Variants in FAT3 observed in about 807,000 individuals in gnomAD.
FAT3 encodes protocadherin Fat 3.
FAT3 carries 95 observed loss-of-function variants against 310.2 expected under a neutral mutation model. The observed-to-expected ratio is 0.31, with a 90% CI of 0.26 to 0.36. The LOEUF (loss-of-function observed/expected upper bound fraction) is 0.36. Among genes scored for constraint, FAT3 ranks in the 10% least tolerant of loss-of-function variants. The pLI is 1.00. For synonymous variants in FAT3, 2,314 were observed against 2,192.9 expected, an observed-to-expected ratio of 1.06 and a Z score of -1.54; for missense variants, 5,408 against 5,715.6, an observed-to-expected ratio of 0.95 and a Z score of 1.74.
chr11:92,330,995 TGTGTGTGTGAGAGAGAGAGAGA>T (rs1169005323), intron 1 of FAT3, among the ~76,000 whole-genome samples: 1 of 122,704 alleles, frequency 8.1e-6, no homozygotes, highest in Non-Finnish European at 1.6e-5. Context: ...TGTGTGTGTG[TGTGTGTGTGAGAGAGAGAGAGA>T]GAGAAACATT....
At chr11:92,685,198 G>A (rs1198481303) in intron 3 of FAT3, among the ~76,000 whole-genome samples, 1 of 152,068 alleles carries the variant, frequency 6.6e-6, no homozygotes, top group African/African-American at 2.4e-5. Flanking sequence ...ACATAATTTA[G>A]TTAAACAAAA....
chr11:92,342,216 C>G (rs542079785), intron 1 of FAT3, among the ~76,000 whole-genome samples: 1 of 152,104 alleles, frequency 6.6e-6, no homozygotes, highest in Non-Finnish European at 1.5e-5. Context: ...CTTTTCTTGG[C>G]GTTTCCATTC....
chr11:92,753,798 G>GTGTGTGTGTATATACATA, intron 4 of FAT3, among the ~76,000 whole-genome samples: 1 of 119,116 alleles, frequency 8.4e-6, no homozygotes, highest in East Asian at 2.3e-4. Flanking sequence ...GTGTGTGTGT[G>GTGTGTGTGTATATACATA]TATATATATA....
chr11:92,485,780 CACCAG>C (rs1340299611), intron 2 of FAT3, among the ~76,000 whole-genome samples: 4 of 152,148 alleles, frequency 2.6e-5, no homozygotes, highest in Non-Finnish European at 5.9e-5. Flanking sequence ...AAGAATGAAA[CACCAG>C]CTTTTATGCA....
At position 92,836,553 on chromosome 11, in the gene FAT3, G is replaced by A; in HGVS notation, c.10087-13G>A. The A allele has an allele frequency of 6.2e-7, 1 of 1,611,456 alleles. No homozygotes were observed. The highest frequency in any genetic ancestry group is 8.5e-7 in the Non-Finnish European group (1 of 1,178,922). On this transcript the variant is annotated splice_polypyrimidine_tract_variant and intron_variant, in intron 15 of 27. Transcript: ENST00000525166. ...GTCATGTCTTTTCTTTGTTTTGCTT[G>A]TTTTCCATGAAGCTAATAGCAGAAG...
rs774135627 is a variant in FAT3 at position 92,690,898 on chromosome 11, GTGTATTTT to G, written c.3608-6485_3608-6478del. On this transcript the variant is annotated intron_variant, in intron 3 of 27. Transcript: ENST00000525166. ...TCATAAATGTGGGAATAACCAGTGT[GTGTATTTT>G]CCCTATTTAAAAGCACGTACTTAAC... 2.0e-5 allele frequency among the ~76,000 whole-genome samples: 3 copies of G among 152,140 alleles called. No homozygotes were observed. In the South Asian group the frequency reaches 6.2e-4, roughly 32 times the overall value.
intron 3 of FAT3, among the ~76,000 whole-genome samples, chr11:92,627,443 G>C (rs572374442): frequency 2.2e-4 from 33 of 152,294 alleles, no homozygotes; most frequent in African/African-American, 7.2e-4. Flanking sequence ...GCAGTCTTTT[G>C]TGAAAGTGTT....
rs1943973738 is a variant in FAT3, at chr11:92,697,369, C to G, written c.3608-15C>G. 1 of 1,612,604 alleles carries G rather than the reference C, an allele frequency of 6.2e-7. No homozygotes were observed. Among genetic ancestry groups the G allele is most frequent in the Non-Finnish European group, 8.5e-7 (1 of 1,179,086 alleles). The stretch of plus-strand genomic sequence containing the variant: ...CCCAGATATTTAAAAGTCAAATATT[C>G]TCATTTCTACACAGGTCTGATTACA... On this transcript the variant is annotated splice_polypyrimidine_tract_variant and intron_variant, in intron 3 of 27. Coordinates refer to ENST00000525166, the MANE Select transcript of FAT3 (RefSeq NM_001367949.2).
At chr11:92,759,916 G>A (rs1946100913) in intron 4 of FAT3, among the ~76,000 whole-genome samples, 1 of 152,086 alleles carries the variant, frequency 6.6e-6, no homozygotes, top group Non-Finnish European at 1.5e-5. Flanking sequence ...TTTTGTGCAC[G>A]ATGAAGACAT....
chr11:92,369,503 G>A (rs1361426219), intron 2 of FAT3, among the ~76,000 whole-genome samples: 1 of 152,146 alleles, frequency 6.6e-6, no homozygotes, highest in Non-Finnish European at 1.5e-5. Flanking sequence ...TGGCTCTTTG[G>A]TGTCTCTGTA....
At chr11:92,379,025 G>A (rs527418474) in intron 2 of FAT3, among the ~76,000 whole-genome samples, 79 of 152,226 alleles carry the variant, frequency 5.2e-4, no homozygotes, top group African/African-American at 1.8e-3. Flanking sequence ...TGCACAAAAC[G>A]TTCAGACAAT....
intron 3 of FAT3, among the ~76,000 whole-genome samples, chr11:92,655,207 A>AAATGAATG (rs138538905): frequency 7.2e-5 from 11 of 151,814 alleles, no homozygotes; most frequent in African/African-American, 2.2e-4. Flanking sequence ...TAGGATAGGT[A>AAATGAATG]AATGAATGAA....
intron 1 of FAT3, among the ~76,000 whole-genome samples, chr11:92,243,603 G>C (rs1361094598): frequency 1.3e-5 from 2 of 151,956 alleles, no homozygotes; most frequent in African/African-American, 4.8e-5. Context: ...CTGCTTTCTT[G>C]TTACAAAGCA....
intron 2 of FAT3, among the ~76,000 whole-genome samples, chr11:92,410,894 C>A (rs1051826627): frequency 2.6e-5 from 4 of 151,216 alleles, no homozygotes; most frequent in African/African-American, 9.7e-5. Flanking sequence ...GAAAAATAAA[C>A]CTTATGGGGT....
chr11:92,354,105 A>C lies in FAT3; in HGVS notation c.1993A>C (p.Met665Leu). 1 of 1,613,798 alleles carries C rather than the reference A, an allele frequency of 6.2e-7. No homozygotes were observed. Among genetic ancestry groups the C allele is most frequent in the Non-Finnish European group, 8.5e-7 (1 of 1,179,812 alleles). Residue 665 changes from methionine (M) to leucine (L), a missense_variant, in exon 2 of 28, where the codon ATG becomes CTG. Physicochemically the swap from Met to Leu is conservative, Grantham distance 15. This residue lies in a region of FAT3 where 4,588 missense variants were observed against 4,809.8 expected (regional missense o/e 0.95). Coordinates refer to ENST00000525166, the MANE Select transcript of FAT3 (RefSeq NM_001367949.2). ...TGATGGAGAGAATCTTGCAGACCCC[A>C]TGTCTATTAACATTTCAGTCCTACA... Reference protein sequence around the residue: ...ATDGENLADPMSINISVLHGK... With the variant: ...ATDGENLADPLSINISVLHGK...
chr11:92,404,826 A>G (rs1950102198), intron 2 of FAT3, among the ~76,000 whole-genome samples: 1 of 152,040 alleles, frequency 6.6e-6, no homozygotes, highest in South Asian at 2.1e-4. Flanking sequence ...AAAAGGCAGA[A>G]GAAGGGCCAT....
At chr11:92,538,265 T>C (rs1954325709) in intron 3 of FAT3, among the ~76,000 whole-genome samples, 1 of 152,190 alleles carries the variant, frequency 6.6e-6, no homozygotes. Flanking sequence ...ACCTGTTTTC[T>C]CAGAATTTTA....
chr11:92,381,299 C>T (rs1436833503), intron 2 of FAT3, among the ~76,000 whole-genome samples: 3 of 152,076 alleles, frequency 2.0e-5, no homozygotes, highest in Admixed American at 1.3e-4. Flanking sequence ...CACTTGAGGT[C>T]GGTCAGGAGT....
At chr11:92,797,294 G>T (rs1214182334) in intron 9 of FAT3, among the ~76,000 whole-genome samples, 1 of 152,188 alleles carries the variant, frequency 6.6e-6, no homozygotes, top group Non-Finnish European at 1.5e-5. Context: ...ATTTTTGATA[G>T]GGTGAAATAA....
Sources: gnomAD v4.1 joint callset for allele counts (sites outside exome capture counted in the v4.1 genomes callset) on GRCh38, gnomAD v4.1.1 for gene constraint, gnomAD v4.1.1 regional missense constraint, MANE v1.5 for transcripts, NCBI Gene and HGNC (gene_info 2026-07-23, HGNC 2026-07-21) for gene names.